Variants in TBCK observed in about 807,000 individuals in gnomAD.
TBCK encodes the protein TBC domain-containing protein kinase-like protein.
TBCK carries 99 observed loss-of-function variants against 113.4 expected under a neutral mutation model. That is an observed-to-expected ratio of 0.87 (90% confidence interval 0.74 to 1.03). TBCK has a LOEUF of 1.03. TBCK is among the 50% of genes least tolerant of loss of function. The pLI is 0.00. For synonymous variants in TBCK, 369 were observed against 370.8 expected, an observed-to-expected ratio of 1.00 and a Z score of 0.05; for missense variants, 1,045 against 1,061.3, an observed-to-expected ratio of 0.98 and a Z score of 0.21.
At chr4:106,197,399 G>GTA (rs1462570749) in intron 20 of TBCK, among the ~76,000 whole-genome samples, 2 of 104,152 alleles carry the variant, frequency 1.9e-5, no homozygotes, top group Non-Finnish European at 4.3e-5. Context: ...GTGTGTGTGT[G>GTA]TGTGTGTGTG....
At chr4:106,246,494 AT>A (rs1270263223) in intron 10 of TBCK, among the ~76,000 whole-genome samples, 1 of 152,090 alleles carries the variant, frequency 6.6e-6, no homozygotes, top group Non-Finnish European at 1.5e-5. Context: ...CAATAATATT[AT>A]TTTTAGAGAT....
intron 19 of TBCK, among the ~76,000 whole-genome samples, chr4:106,221,437 A>T (rs915453944): frequency 6.6e-6 from 1 of 152,170 alleles, no homozygotes; most frequent in Admixed American, 6.5e-5. Flanking sequence ...TAAAACTAGC[A>T]TAAGTTTTGG....
chr4:106,042,621 A>G lies in TBCK; in HGVS notation c.*3949T>C, dbSNP rs1733931986. On this transcript the variant is annotated 3_prime_UTR_variant, in exon 26 of 26. Coordinates refer to ENST00000394708, the MANE Select transcript of TBCK (RefSeq NM_001163435.3). ...TGATCTGCCTGCCTCGGCCTCCCAA[A>G]GTGAATAAGATTCTTTTGAGATGCT... The G allele has an allele frequency of 6.6e-6, 1 of 152,210 alleles. No individual in the cohort carries two copies. Among genetic ancestry groups the G allele is most frequent in the Non-Finnish European group, 1.5e-5 (1 of 68,058 alleles). 9.4% of individuals were successfully genotyped at this position (152,210 alleles called of 1,614,324 possible). A position where few individuals can be genotyped will look rare whatever the true frequency, so the allele number is the denominator to read the frequency against.
At chr4:106,269,224 A>T (rs13116159) in intron 3 of TBCK, among the ~76,000 whole-genome samples, 35,137 of 152,070 alleles carry the variant, frequency 0.23, 4,931 homozygotes, top group East Asian at 0.37. Context: ...CTAATGATTA[A>T]TGTTCAGATA....
chr4:106,303,493 G>A (rs549054450), intron 2 of TBCK, among the ~76,000 whole-genome samples: 1 of 152,084 alleles, frequency 6.6e-6, no homozygotes, highest in Non-Finnish European at 1.5e-5. Context: ...TACTGAAGCT[G>A]CAATTTTAAA....
chr4:106,203,283 C>CAT (rs10565641), intron 20 of TBCK, among the ~76,000 whole-genome samples: 18,696 of 146,158 alleles, frequency 0.13, 1,317 homozygotes, highest in Middle Eastern at 0.24. Flanking sequence ...TATATTTTCA[C>CAT]ATATATATAT....
intron 11 of TBCK, among the ~76,000 whole-genome samples, chr4:106,244,248 C>G (rs185594849): frequency 6.6e-6 from 1 of 152,052 alleles, no homozygotes; most frequent in African/African-American, 2.4e-5. Context: ...GGAAAAAGAA[C>G]ATAGTTCTTC....
chr4:106,112,696 C>T (rs966805172), intron 24 of TBCK, among the ~76,000 whole-genome samples: 24 of 152,162 alleles, frequency 1.6e-4, no homozygotes, highest in African/African-American at 4.8e-4. Flanking sequence ...TTTGCTAGAT[C>T]AACATACACA....
At position 106,079,491 on chromosome 4, in the gene TBCK, A is replaced by G. The variant is rs572395681; in HGVS notation, c.2571+15991T>C. On this transcript the variant is annotated intron_variant, in intron 25 of 25. Transcript: ENST00000394708. ...TCAGGACACAAAATAAATGTACAAA[A>G]ATAAGTAGCATTTCTATATATCATT... Among the ~76,000 whole-genome samples the G allele has an allele frequency of 5.9e-4, 90 of 152,330 alleles. 3 individuals carry two copies. Among genetic ancestry groups the G allele is most frequent in the Admixed American group, 1.7e-3 (26 of 15,292 alleles).
At chr4:106,271,689 T>C (rs1373548070) in intron 3 of TBCK, among the ~76,000 whole-genome samples, 3 of 151,354 alleles carry the variant, frequency 2.0e-5, no homozygotes, top group African/African-American at 7.3e-5. Flanking sequence ...GAGGCAGAGG[T>C]TGCAGTGAGC....
At chr4:106,263,108 T>C (rs917302294) in intron 3 of TBCK, among the ~76,000 whole-genome samples, 1 of 151,936 alleles carries the variant, frequency 6.6e-6, no homozygotes, top group African/African-American at 2.4e-5. Context: ...TATCCTCTAA[T>C]GTTTTAATCA....
At chr4:106,151,811 G>C (rs1748524390) in intron 23 of TBCK, among the ~76,000 whole-genome samples, 1 of 151,654 alleles carries the variant, frequency 6.6e-6, no homozygotes, top group Admixed American at 6.6e-5. Flanking sequence ...TCACTTCTTT[G>C]GTTAATTCCT....
At position 106,175,199 on chromosome 4, in the gene TBCK, A is replaced by G. The variant is rs542441217; in HGVS notation, c.2060-3929T>C. On this transcript the variant is annotated intron_variant, in intron 22 of 25. Coordinates refer to ENST00000394708, the MANE Select transcript of TBCK (RefSeq NM_001163435.3). Reference sequence around the variant, plus strand: ...AACAATTTTCATTGTTATGTTTAAAAGTTCTGTTTTTTCATAGTTAATTTT... The same window carrying G: ...AACAATTTTCATTGTTATGTTTAAAGGTTCTGTTTTTTCATAGTTAATTTT... Among the ~76,000 whole-genome samples, 8 of 151,688 alleles carry G rather than the reference A, an allele frequency of 5.3e-5. No individual in the cohort carries two copies. In the South Asian group the frequency reaches 1.7e-3, roughly 32 times the overall value.
At chr4:106,267,106 T>G (rs1290976217) in intron 3 of TBCK, among the ~76,000 whole-genome samples, 1 of 151,830 alleles carries the variant, frequency 6.6e-6, no homozygotes, top group Non-Finnish European at 1.5e-5. Context: ...ACCAAGAAAA[T>G]GTAAAATTAT....
chr4:106,097,970 G>A (rs1052910725), intron 24 of TBCK, among the ~76,000 whole-genome samples: 1 of 152,072 alleles, frequency 6.6e-6, no homozygotes, highest in East Asian at 1.9e-4. Context: ...GGCAAGGAAA[G>A]AGACATGATA....
rs70941240 is a variant in TBCK, at chr4:106,205,587, CAAAAAAAAAAAAA to C, written c.1860+7150_1860+7162del. ...GGTGAAGCCCTCTCCACTAAAAATA[CAAAAAAAAAAAAA>C]AAAAAAAAAAAAAAAATTAGCCAGG... is the stretch of plus-strand genomic sequence containing the variant. On this transcript the variant is annotated intron_variant, in intron 20 of 25. Transcript: ENST00000394708. 3.4e-4 allele frequency among the ~76,000 whole-genome samples: 22 copies of C among 64,208 alleles called. No individual in the cohort carries two copies. In the South Asian group the frequency reaches 9.6e-3, roughly 28 times the overall value. The allele number at this position is 64,208 out of a possible 152,430, so 42.1% of individuals were successfully genotyped here. A position where few individuals can be genotyped will look rare whatever the true frequency, so the allele number is the denominator to read the frequency against.
At chr4:106,083,272 G>T (rs1245454114) in intron 25 of TBCK, among the ~76,000 whole-genome samples, 1 of 152,200 alleles carries the variant, frequency 6.6e-6, no homozygotes, top group East Asian at 1.9e-4. Flanking sequence ...TGGACCACTT[G>T]GTCCCAAGAC....
intron 19 of TBCK, among the ~76,000 whole-genome samples, chr4:106,216,008 C>A (rs1201261033): frequency 2.9e-4 from 43 of 148,702 alleles, no homozygotes; most frequent in African/African-American, 1.1e-3. Context: ...GAAATTATAA[C>A]AAACTATCTC....
At chr4:106,267,454 G>C (rs1394703091) in intron 3 of TBCK, among the ~76,000 whole-genome samples, 1 of 151,792 alleles carries the variant, frequency 6.6e-6, no homozygotes, top group African/African-American at 2.4e-5. Context: ...ATACTTAGAA[G>C]GACAGATTTA....
Sources: allele counts gnomAD v4.1 joint callset (sites outside exome capture counted in the v4.1 genomes callset), GRCh38; gene constraint gnomAD v4.1.1; transcripts MANE v1.5; gene names NCBI Gene and HGNC (gene_info 2026-07-23, HGNC 2026-07-21).